Variants in ABI3BP observed in about 807,000 individuals in gnomAD.
ABI3BP encodes ABI family member 3 binding protein.
Under a neutral mutation model 268.6 loss-of-function variants are expected in ABI3BP, and 216 were observed. That is an observed-to-expected ratio of 0.80 (90% confidence interval 0.72 to 0.90). The LOEUF is 0.90. ABI3BP is among the 40% of genes least tolerant of loss of function. ABI3BP has a pLI of 0.00. For missense variants in ABI3BP, 2,090 were observed against 2,182.4 expected (o/e 0.96, Z 0.84); for synonymous variants, 730 against 730.0 (o/e 1.00, Z 0.00).
intron 64 of ABI3BP, 65 bp downstream of exon 64, chr3:100,754,546 AC>A: frequency 6.9e-7 from 1 of 1,454,394 alleles, no homozygotes; most frequent in African/African-American, 1.4e-5. Context: ...CAAACTTCCT[AC>A]GCAAAACATT....
chr3:100,850,775 GC>G, intron 15 of ABI3BP, 41 bp from the exon 16 acceptor site: 1 of 1,447,704 alleles, frequency 6.9e-7, no homozygotes, highest in African/African-American at 1.4e-5. Context: ...GCAGTAGAAG[GC>G]CCCAGGAATA....
At chr3:100,925,001 CT>C (rs2061406936) in intron 2 of ABI3BP, among the ~76,000 whole-genome samples, 1 of 152,088 alleles carries the variant, frequency 6.6e-6, no homozygotes, top group Non-Finnish European at 1.5e-5. Flanking sequence ...AGAGTGGAGA[CT>C]TCTTTATGGT....
At chr3:100,932,113 T>A (rs1037076544) in intron 1 of ABI3BP, among the ~76,000 whole-genome samples, 2 of 151,914 alleles carry the variant, frequency 1.3e-5, no homozygotes, top group Non-Finnish European at 2.9e-5. Flanking sequence ...GGGAAAGGAC[T>A]CCCTATTCAG....
chr3:100,964,307 C>G (rs1283493933), intron 1 of ABI3BP, among the ~76,000 whole-genome samples: 1 of 152,146 alleles, frequency 6.6e-6, no homozygotes, highest in Non-Finnish European at 1.5e-5. Context: ...GGGGGACCAG[C>G]CTTCTTTGGG....
intron 63 of ABI3BP, among the ~76,000 whole-genome samples, chr3:100,759,053 A>G (rs958409575): frequency 6.6e-6 from 1 of 152,204 alleles, no homozygotes; most frequent in Non-Finnish European, 1.5e-5. Flanking sequence ...TCATTATTTA[A>G]TAAACTTTTT....
intron 2 of ABI3BP, chr3:100,911,672 A>G (rs2056548804): frequency 2.7e-6 from 2 of 742,336 alleles, no homozygotes; most frequent in Non-Finnish European, 5.0e-6. Context: ...CTAGTTGTTC[A>G]GAAATATCCA....
chr3:100,941,451 C>T (rs1001074926), intron 1 of ABI3BP, among the ~76,000 whole-genome samples: 2 of 152,098 alleles, frequency 1.3e-5, no homozygotes, highest in East Asian at 1.9e-4. Context: ...CGGTTACTTT[C>T]GAATTTAGAA....
intron 1 of ABI3BP, among the ~76,000 whole-genome samples, chr3:100,959,696 G>A (rs1010587976): frequency 1.3e-5 from 2 of 151,888 alleles, no homozygotes; most frequent in African/African-American, 4.8e-5. Flanking sequence ...GGATAGAACA[G>A]ACATTAAAAA....
chr3:100,837,598 A>T (rs923324759), intron 26 of ABI3BP, among the ~76,000 whole-genome samples: 1 of 152,130 alleles, frequency 6.6e-6, no homozygotes, highest in African/African-American at 2.4e-5. Flanking sequence ...CTCTACTAAA[A>T]ATACAAAAAT....
chr3:100,970,229 G>A (rs2082981944), intron 1 of ABI3BP, among the ~76,000 whole-genome samples: 1 of 152,182 alleles, frequency 6.6e-6, no homozygotes, highest in Non-Finnish European at 1.5e-5. Flanking sequence ...ATGAACGACT[G>A]GCTTTTGATT....
In ABI3BP at chr3:100,815,918, T is replaced by C. The variant is rs2098026372; in HGVS notation, c.3283A>G (p.Thr1095Ala). Residue 1095 changes from threonine to alanine, a missense_variant, in exon 44 of 68, where the codon ACA (threonine) becomes GCA (alanine). Physicochemically the swap from Thr to Ala is moderately conservative, Grantham distance 58. Transcript: ENST00000471714. ...AAGTCACAAAAATCATTACCAAATGTTGTTCCTGGAGCATCAGTACTATGA... is the reference window on the plus strand; with the variant it reads ...AAGTCACAAAAATCATTACCAAATGCTGTTCCTGGAGCATCAGTACTATGA... ...VVHSTDAPGT[T>A]FALTELQTLI... 1.3e-6 allele frequency: 2 copies of C among 1,521,188 alleles called. No homozygotes were observed. The highest frequency in any genetic ancestry group is 2.5e-5 in the South Asian group (2 of 80,536). 94.2% of individuals were successfully genotyped at this position (1,521,188 alleles called of 1,614,324 possible). A position where few individuals can be genotyped will look rare whatever the true frequency, so the allele number is the denominator to read the frequency against.
intron 1 of ABI3BP, among the ~76,000 whole-genome samples, chr3:100,954,975 CTTTT>C (rs71299382): frequency 4.2e-5 from 4 of 94,768 alleles, no homozygotes; most frequent in Admixed American, 2.6e-4. Flanking sequence ...TAAATTTTGT[CTTTT>C]TTTTTTTTTT....
In ABI3BP at chr3:100,832,305, G is replaced by T; in HGVS notation, c.2360C>A (p.Pro787His). The T allele has an allele frequency of 6.5e-7, 1 of 1,535,566 alleles. No individual in the cohort carries two copies. Among genetic ancestry groups the T allele is most frequent in the Non-Finnish European group, 8.7e-7 (1 of 1,146,554 alleles). ...TACTTCTGGATGGGGCGTGGTTTTA[G>T]GTTTGGGATGTGGACGACGGGTTCT... ...TKRTRRPHPK[P>H]KTTPHPEVPQ... The change falls in exon 31 of 68, where the codon CCT (proline) becomes CAT (histidine). Residue 787 changes from proline (P) to histidine (H), a missense_variant. Pro to His is a moderately conservative substitution (Grantham distance 77, BLOSUM62 -2). Coordinates refer to ENST00000471714, the MANE Select transcript of ABI3BP (RefSeq NM_001375547.2).
intron 41 of ABI3BP, 88 bp from the exon 42 acceptor site, chr3:100,817,583 A>G (rs2098095474): frequency 2.8e-6 from 3 of 1,060,916 alleles, no homozygotes; most frequent in Admixed American, 2.8e-5. Context: ...ACTTAAAAGT[A>G]AGGCTTGTTT....
At chr3:100,798,362 C>T (rs2097418152) in intron 51 of ABI3BP, among the ~76,000 whole-genome samples, 1 of 152,074 alleles carries the variant, frequency 6.6e-6, no homozygotes, top group African/African-American at 2.4e-5. Flanking sequence ...AATCATTCTC[C>T]TACTTGGTCA....
intron 34 of ABI3BP, among the ~76,000 whole-genome samples, 175 bp downstream of exon 34, chr3:100,828,218 C>A (rs908433291): frequency 1.4e-4 from 21 of 152,028 alleles, no homozygotes; most frequent in African/African-American, 4.8e-4. Flanking sequence ...AGTTACAGAC[C>A]AGGAAAGATC....
chr3:100,871,408 T>C (rs1561083256), intron 9 of ABI3BP, among the ~76,000 whole-genome samples: 1 of 152,210 alleles, frequency 6.6e-6, no homozygotes, highest in Non-Finnish European at 1.5e-5. Context: ...TTTTCAAACA[T>C]ACTGGCTATC....
rs1353612886 is a variant in ABI3BP at position 100,832,274 on chromosome 3, T to C, written c.2391A>G (p.Gln797=). Residue 797 remains glutamine, a synonymous_variant, in exon 31 of 68, where the codon CAA becomes CAG. Coordinates refer to ENST00000471714, the MANE Select transcript of ABI3BP (RefSeq NM_001375547.2). Reference sequence around the variant, plus strand: ...AAACTACATATTTACCCAGTTTAGTTTGAGGTACTTCTGGATGGGGCGTGG... The same window carrying C: ...AAACTACATATTTACCCAGTTTAGTCTGAGGTACTTCTGGATGGGGCGTGG... ...PKTTPHPEVP[Q]TKLVPATILE... 13 of 1,535,368 alleles carry C rather than the reference T, an allele frequency of 8.5e-6. No homozygotes were observed. The highest frequency in any genetic ancestry group is 4.8e-5 in the South Asian group (4 of 84,032).
At chr3:100,894,965 A>AAAAAAAAAAAAC (rs760156604) in intron 4 of ABI3BP, among the ~76,000 whole-genome samples, 37 of 120,830 alleles carry the variant, frequency 3.1e-4, no homozygotes, top group Non-Finnish European at 5.1e-4. Context: ...AAAAAAAAAA[A>AAAAAAAAAAAAC]AACAGAAAAA....
Sources: gnomAD v4.1 joint callset for allele counts (sites outside exome capture counted in the v4.1 genomes callset) on GRCh38, gnomAD v4.1.1 for gene constraint, MANE v1.5 for transcripts, NCBI Gene and HGNC (gene_info 2026-07-23, HGNC 2026-07-21) for gene names.